The following CHCHD3 variants were observed in gnomAD, a reference collection of about 807,000 sequenced individuals.
CHCHD3 encodes coiled-coil-helix-coiled-coil-helix domain containing 3, also known as MICOS complex subunit MIC19.
Under a neutral mutation model 38.2 loss-of-function variants are expected in CHCHD3, and 20 were observed. The observed-to-expected ratio is 0.52, with a 90% CI of 0.37 to 0.76. The LOEUF is 0.76. Ranked by LOEUF, CHCHD3 falls within the 30% of genes least tolerant of loss-of-function variation. The probability of loss-of-function intolerance (pLI) is 0.00; values close to 1 mark genes in which losing one functional copy is unlikely to be tolerated. For synonymous variants in CHCHD3, 82 were observed against 100.0 expected (o/e 0.82, Z 1.07); for missense variants, 245 against 279.2 (o/e 0.88, Z 0.87).
At chr7:133,022,166 T>C (rs1353951643) in intron 3 of CHCHD3, among the ~76,000 whole-genome samples, 1 of 152,040 alleles carries the variant, frequency 6.6e-6, no homozygotes, top group Non-Finnish European at 1.5e-5. Context: ...AAGAAAAATA[T>C]CACAATCGAA....
At position 132,786,683 on chromosome 7, in the gene CHCHD3, C is replaced by T. The variant is rs767102389; in HGVS notation, c.661-1023G>A. On this transcript the variant is annotated intron_variant, in intron 7 of 7. Transcript: ENST00000262570. ...TCCCGCCAACCCGCACCCTTCCAGC[C>T]ATCTCTTCATTGAGCTCCTACCAGG... Among the ~76,000 whole-genome samples the T allele has an allele frequency of 3.3e-5, 5 of 152,310 alleles. No individual in the cohort carries two copies. In the East Asian group the frequency reaches 9.7e-4, roughly 29 times the overall value.
rs189238598 is a variant in CHCHD3 at position 132,892,739 on chromosome 7, C to T, written c.370-6994G>A. Reference sequence around the variant, plus strand: ...GAGTCCCAGCAGCTCCAGCTCTAGCCGTGGCTAAAAGAGGCCAAGGTATAG... The same window carrying T: ...GAGTCCCAGCAGCTCCAGCTCTAGCTGTGGCTAAAAGAGGCCAAGGTATAG... On this transcript the variant is annotated intron_variant, in intron 4 of 7. Coordinates refer to ENST00000262570, the MANE Select transcript of CHCHD3 (RefSeq NM_017812.4). Among the ~76,000 whole-genome samples the T allele has an allele frequency of 2.5e-3, 381 of 152,264 alleles. 1 individual carries two copies. Among genetic ancestry groups the T allele is most frequent in the African/African-American group, 8.1e-3 (335 of 41,560 alleles).
At chr7:133,045,835 A>AGT (rs1220582093) in intron 2 of CHCHD3, among the ~76,000 whole-genome samples, 1 of 152,038 alleles carries the variant, frequency 6.6e-6, no homozygotes, top group African/African-American at 2.4e-5. Context: ...GTCGTTTAAA[A>AGT]GTGTGTGGCA....
At chr7:132,826,181 T>C (rs1385443948) in intron 6 of CHCHD3, among the ~76,000 whole-genome samples, 2 of 152,222 alleles carry the variant, frequency 1.3e-5, no homozygotes, top group African/African-American at 2.4e-5. Context: ...TAATCTCAGA[T>C]GCTCAAGAGA....
At chr7:132,886,200 T>G (rs961169795) in intron 4 of CHCHD3, among the ~76,000 whole-genome samples, 2 of 152,102 alleles carry the variant, frequency 1.3e-5, no homozygotes, top group Non-Finnish European at 2.9e-5. Context: ...AATACATACA[T>G]TGTTCTATTT....
At chr7:132,874,300 C>T (rs1477169676) in intron 5 of CHCHD3, among the ~76,000 whole-genome samples, 1 of 152,174 alleles carries the variant, frequency 6.6e-6, no homozygotes, top group Non-Finnish European at 1.5e-5. Flanking sequence ...TGATTACTGA[C>T]CATCATCAAA....
At chr7:132,865,694 G>A (rs1562889709) in intron 5 of CHCHD3, among the ~76,000 whole-genome samples, 2 of 152,100 alleles carry the variant, frequency 1.3e-5, no homozygotes, top group South Asian at 2.1e-4. Context: ...GGGGAACCAG[G>A]GAAGAAGAAG....
chr7:132,951,371 GA>G (rs1318430458), intron 4 of CHCHD3, among the ~76,000 whole-genome samples: 1 of 152,142 alleles, frequency 6.6e-6, no homozygotes, highest in Non-Finnish European at 1.5e-5. Context: ...AGAAGCAATA[GA>G]AACACATCAT....
chr7:133,035,050 C>G lies in CHCHD3; in HGVS notation c.170-10423G>C, dbSNP rs915672252. 6 of 1,613,620 alleles carry G rather than the reference C, an allele frequency of 3.7e-6. No individual in the cohort carries two copies. The highest frequency in any genetic ancestry group is 5.1e-6 in the Non-Finnish European group (6 of 1,179,704). ...TTGGAGTACTTGCGCTTAAATTCAT[C>G]CAACACAAAGGTACTCTTGGGCAGG... On this transcript the variant is annotated intron_variant, in intron 2 of 7. Coordinates refer to ENST00000262570, the MANE Select transcript of CHCHD3 (RefSeq NM_017812.4). The surrounding 1 kb of genome is among the most constrained non-coding windows in gnomAD (Gnocchi z 4.7).
intron 3 of CHCHD3, among the ~76,000 whole-genome samples, chr7:133,015,241 G>A (rs530635999): frequency 1.3e-5 from 2 of 152,126 alleles, no homozygotes; most frequent in Non-Finnish European, 2.9e-5. Context: ...TACTTGGGAG[G>A]CTGAGGTAGG....
chr7:132,880,160 A>T (rs1248664380), intron 5 of CHCHD3, among the ~76,000 whole-genome samples: 1 of 152,196 alleles, frequency 6.6e-6, no homozygotes, highest in Non-Finnish European at 1.5e-5. Context: ...ATTTACATAC[A>T]GAATGAACAT....
At chr7:132,996,122 G>A (rs892335465) in intron 3 of CHCHD3, among the ~76,000 whole-genome samples, 2 of 152,148 alleles carry the variant, frequency 1.3e-5, no homozygotes, top group Admixed American at 6.5e-5. Context: ...TTGATTATGT[G>A]AACCGAAACG....
intron 4 of CHCHD3, among the ~76,000 whole-genome samples, chr7:132,935,269 T>C (rs919981682): frequency 6.6e-6 from 1 of 152,238 alleles, no homozygotes; most frequent in African/African-American, 2.4e-5. Context: ...CAGATTTCGC[T>C]CAGCCACATG....
rs560542031 is a variant in CHCHD3 at position 133,046,570 on chromosome 7, T to G, written c.170-21943A>C. 1.9e-3 allele frequency among the ~76,000 whole-genome samples: 163 copies of G among 84,256 alleles called. 1 individual carries two copies. The highest frequency in any genetic ancestry group is 4.1e-3 in the South Asian group (7 of 1,718). The allele number at this position is 84,256 out of a possible 152,430, so 55.3% of individuals were successfully genotyped here. A position where few individuals can be genotyped will look rare whatever the true frequency, so the allele number is the denominator to read the frequency against. ...TCTTTTGTAATGCTATGTATTTTTTTGGGGGGGGGAGACGGAGTCTCCCTT... is the reference window on the plus strand; with the variant it reads ...TCTTTTGTAATGCTATGTATTTTTTGGGGGGGGGGAGACGGAGTCTCCCTT... On this transcript the variant is annotated intron_variant, in intron 2 of 7. Coordinates refer to ENST00000262570, the MANE Select transcript of CHCHD3 (RefSeq NM_017812.4).
chr7:133,058,239 CT>C lies in CHCHD3; in HGVS notation c.169+11902del, dbSNP rs879780240. Among the ~76,000 whole-genome samples, 813 of 143,038 alleles carry C rather than the reference CT, an allele frequency of 5.7e-3. 4 individuals are homozygous for C. The highest frequency in any genetic ancestry group is 8.9e-3 in the African/African-American group (352 of 39,400). 93.8% of individuals were successfully genotyped at this position (143,038 alleles called of 152,430 possible). ...CTCTTCTTGCTAAAAGCACAAGTTT[CT>C]TTTTTTTTTTTTTCTTTGAGATGGG... On this transcript the variant is annotated intron_variant, in intron 2 of 7. Transcript: ENST00000262570.
At chr7:132,943,415 C>T (rs1715751580) in intron 4 of CHCHD3, among the ~76,000 whole-genome samples, 1 of 152,044 alleles carries the variant, frequency 6.6e-6, no homozygotes, top group Non-Finnish European at 1.5e-5. Context: ...AGACCAGAAA[C>T]AGCCTTAATT....
intron 3 of CHCHD3, among the ~76,000 whole-genome samples, chr7:132,995,663 A>G (rs1371528683): frequency 6.6e-6 from 1 of 152,242 alleles, no homozygotes; most frequent in Non-Finnish European, 1.5e-5. Flanking sequence ...GGCAGGAGAC[A>G]GAGCGTAAAA....
intron 1 of CHCHD3, among the ~76,000 whole-genome samples, chr7:133,080,535 G>T (rs144507820): frequency 6.6e-6 from 1 of 152,112 alleles, no homozygotes; most frequent in African/African-American, 2.4e-5. Flanking sequence ...TCTGAGTTGC[G>T]TACTGAAAGC....
intron 4 of CHCHD3, among the ~76,000 whole-genome samples, chr7:132,922,708 A>T (rs1397638545): frequency 2.0e-5 from 3 of 152,154 alleles, no homozygotes; most frequent in Non-Finnish European, 4.4e-5. Context: ...CAAGTGTGTT[A>T]ATCAATTTTT....
Sources: allele counts gnomAD v4.1 joint callset (sites outside exome capture counted in the v4.1 genomes callset), GRCh38; gene constraint gnomAD v4.1.1; non-coding constraint Gnocchi (gnomAD v3.1); transcripts MANE v1.5; gene names NCBI Gene and HGNC (gene_info 2026-07-23, HGNC 2026-07-21).